Variants in EFEMP1 observed in about 807,000 individuals in gnomAD.
EFEMP1 encodes EGF-like fibulin extracellular matrix protein 1.
EFEMP1 carries 18 observed loss-of-function variants against 65.7 expected under a neutral mutation model. That is an observed-to-expected ratio of 0.27 (90% CI 0.19 to 0.41). EFEMP1 has a LOEUF of 0.41. EFEMP1 is among the 10% of genes least tolerant of loss of function. EFEMP1 has a pLI of 1.00. For synonymous variants in EFEMP1, 237 were observed against 219.7 expected (o/e 1.08, Z -0.70); for missense variants, 469 against 624.8 (o/e 0.75, Z 2.66).
Position 55,866,820 on chromosome 2 carries a change from G to C in EFEMP1, c.*253C>G. 1 of 447,990 alleles carries C rather than the reference G, an allele frequency of 2.2e-6. No individual in the cohort carries two copies. Among genetic ancestry groups the C allele is most frequent in the East Asian group, 4.5e-5 (1 of 22,470 alleles). The allele number at this position is 447,990 out of a possible 1,614,324, so 27.8% of individuals were successfully genotyped here. A position where few individuals can be genotyped will look rare whatever the true frequency, so the allele number is the denominator to read the frequency against. ...GAAAGAATCCAAGTTTCACCAGATA[G>C]TGTATACTTAGCTCTCTTGAAGAAG... On this transcript the variant is annotated 3_prime_UTR_variant, in exon 12 of 12. Coordinates refer to ENST00000355426, the MANE Select transcript of EFEMP1 (RefSeq NM_001039348.3).
intron 5 of EFEMP1, among the ~76,000 whole-genome samples, chr2:55,906,872 G>A (rs748829845): frequency 6.6e-6 from 1 of 152,192 alleles, no homozygotes; most frequent in Non-Finnish European, 1.5e-5. Flanking sequence ...ATATAAAATA[G>A]TGGGTCAGGA....
rs1668643791 is a variant in EFEMP1, at chr2:55,867,895, G to C, written c.1321-661C>G. Among the ~76,000 whole-genome samples, 1 of 152,134 alleles carries C rather than the reference G, an allele frequency of 6.6e-6. No homozygotes were observed. The highest frequency in any genetic ancestry group is 6.5e-5 in the Admixed American group (1 of 15,270). On this transcript the variant is annotated intron_variant, in intron 11 of 11. Transcript: ENST00000355426. The surrounding 1 kb of genome is among the most constrained non-coding windows in gnomAD (Gnocchi z 4.3). Reference sequence around the variant, plus strand: ...ATAATATGATGGGCTCTTGTGAGTGGAGGGAGATGAGGTTGGAGAGGCAGG... The same window carrying C: ...ATAATATGATGGGCTCTTGTGAGTGCAGGGAGATGAGGTTGGAGAGGCAGG...
In EFEMP1 at chr2:55,877,251, A is replaced by G. The variant is rs1018548245; in HGVS notation, c.760+495T>C. On this transcript the variant is annotated intron_variant, in intron 7 of 11. Transcript: ENST00000355426. This position sits in a 1 kb window ranked among gnomAD's most constrained non-coding sequence, Gnocchi z 4.5. ...ACATAAGCCTTTGAGACCCATACGG[A>G]GTTTTGCAATGCTCTAAAGCACTGA... Among the ~76,000 whole-genome samples the G allele has an allele frequency of 1.3e-5, 2 of 152,142 alleles. No homozygotes were observed. Among genetic ancestry groups the G allele is most frequent in the Non-Finnish European group, 2.9e-5 (2 of 68,022 alleles).
rs202135588 is a variant in EFEMP1, at chr2:55,870,643, CACA to C, written c.1320+74_1320+76del. On this transcript the variant is annotated intron_variant, in intron 11 of 11. Transcript: ENST00000355426. This position sits in a 1 kb window ranked among gnomAD's most constrained non-coding sequence, Gnocchi z 5.8. The stretch of plus-strand genomic sequence containing the variant: ...GCTTTCCTTCCACATGTGGATACCA[CACA>C]ACAACAACAACAACAACAACAACAA... 35,804 of 1,461,082 alleles carry C rather than the reference CACA, an allele frequency of 0.025. 1,097 individuals are homozygous for C. The highest frequency in any genetic ancestry group is 0.16 in the African/African-American group (11,336 of 71,520). 90.5% of individuals were successfully genotyped at this position (1,461,082 alleles called of 1,614,324 possible).
chr2:55,898,877 G>C (rs908062476), intron 5 of EFEMP1, among the ~76,000 whole-genome samples: 2 of 152,176 alleles, frequency 1.3e-5, no homozygotes, highest in Non-Finnish European at 2.9e-5. Context: ...GAGGGCTGAC[G>C]TCAGTATGAT....
In EFEMP1 at chr2:55,896,119, T is replaced by A. The variant is rs1018339811; in HGVS notation, c.518-14385A>T. ...CTTGTTGAAGGTAGCAATTGAGATA[T>A]CCATTAGGCTGGATGTATAAATTCT... is the stretch of plus-strand genomic sequence containing the variant. On this transcript the variant is annotated intron_variant, in intron 5 of 11. Transcript: ENST00000355426. 4.6e-5 allele frequency among the ~76,000 whole-genome samples: 7 copies of A among 152,344 alleles called. No individual in the cohort carries two copies. The East Asian group carries it at 1.3e-3, about 29-fold the overall frequency.
At chr2:55,915,388 C>T (rs555098762) in intron 5 of EFEMP1, among the ~76,000 whole-genome samples, 38 of 152,272 alleles carry the variant, frequency 2.5e-4, no homozygotes, top group African/African-American at 8.7e-4. Context: ...AAATGTTTTA[C>T]TATGTGAAAC....
rs373857382 is a variant in EFEMP1 at position 55,875,062 on chromosome 2, A to G, written c.884T>C (p.Ile295Thr). 3 of 1,597,848 alleles carry G rather than the reference A, an allele frequency of 1.9e-6. No homozygotes were observed. Among genetic ancestry groups the G allele is most frequent in the Non-Finnish European group, 1.7e-6 (2 of 1,170,482 alleles). Reference protein sequence around the residue: ...LSSDRLNCEDIDECRTSSYLC... With the variant: ...LSSDRLNCEDTDECRTSSYLC... ...GTAGCTTGAGGTTCTGCATTCATCA[A>G]TGTCTGTTGAATTAGACAAGAGAAA... Residue 295 changes from isoleucine (I) to threonine (T), a missense_variant, in exon 9 of 12, where the codon ATT becomes ACT. Around this residue, in one of 3 missense-constraint regions of EFEMP1, gnomAD observed 399 missense variants for 528.2 expected, o/e 0.76. Coordinates refer to ENST00000355426, the MANE Select transcript of EFEMP1 (RefSeq NM_001039348.3).
chr2:55,880,093 G>C (rs1466415289), intron 6 of EFEMP1, among the ~76,000 whole-genome samples: 4 of 152,192 alleles, frequency 2.6e-5, no homozygotes, highest in Non-Finnish European at 5.9e-5. Flanking sequence ...TGTGACGTGT[G>C]TGGGGAACTG....
chr2:55,916,957 A>C (rs1384538269), intron 5 of EFEMP1, among the ~76,000 whole-genome samples: 1 of 152,248 alleles, frequency 6.6e-6, no homozygotes, highest in African/African-American at 2.4e-5. Flanking sequence ...AACCCTAGGC[A>C]GATGATGCCA....
In EFEMP1 at chr2:55,881,853, G is replaced by T. The variant is rs528944266; in HGVS notation, c.518-119C>A. The T allele has an allele frequency of 5.4e-4, 703 of 1,297,002 alleles. 6 individuals carry two copies. In the South Asian group the frequency reaches 7.1e-3, roughly 13 times the overall value. The allele number at this position is 1,297,002 out of a possible 1,614,324, so 80.3% of individuals were successfully genotyped here. Reference sequence around the variant, plus strand: ...ATTCTTAAAAGTTTATAATGTTCTTGCATTGGAAATGTTTAAAATTATAAA... The same window carrying T: ...ATTCTTAAAAGTTTATAATGTTCTTTCATTGGAAATGTTTAAAATTATAAA... On this transcript the variant is annotated intron_variant, in intron 5 of 11. Coordinates refer to ENST00000355426, the MANE Select transcript of EFEMP1 (RefSeq NM_001039348.3).
intron 5 of EFEMP1, among the ~76,000 whole-genome samples, chr2:55,905,206 A>G (rs892354993): frequency 2.0e-5 from 3 of 151,922 alleles, no homozygotes; most frequent in Non-Finnish European, 2.9e-5. Flanking sequence ...CAGGACTTTT[A>G]CTCAATTTTT....
intron 5 of EFEMP1, among the ~76,000 whole-genome samples, chr2:55,887,845 T>C (rs1413164133): frequency 6.6e-6 from 1 of 152,214 alleles, no homozygotes; most frequent in Admixed American, 6.5e-5. Context: ...GCCCTTGGCA[T>C]TGCATTGTGT....
chr2:55,894,945 C>G (rs1669758913), intron 5 of EFEMP1, among the ~76,000 whole-genome samples: 1 of 152,208 alleles, frequency 6.6e-6, no homozygotes, highest in Non-Finnish European at 1.5e-5. Context: ...TGACCCCTTC[C>G]TACTTAAATA....
In EFEMP1 at chr2:55,922,820, A is replaced by C; in HGVS notation, c.-8+79T>G. 4 of 1,071,990 alleles carry C rather than the reference A, an allele frequency of 3.7e-6. No individual in the cohort carries two copies. The highest frequency in any genetic ancestry group is 3.6e-6 in the Non-Finnish European group (3 of 841,868). The allele number at this position is 1,071,990 out of a possible 1,614,324, so 66.4% of individuals were successfully genotyped here. On this transcript the variant is annotated intron_variant, in intron 2 of 11. Coordinates refer to ENST00000355426, the MANE Select transcript of EFEMP1 (RefSeq NM_001039348.3). This position sits in a 1 kb window ranked among gnomAD's most constrained non-coding sequence, Gnocchi z 5.5. ...GGGGACGGTGCATTTCCTGCCCCCC[A>C]GTCCCACACCCCGGGGGATGGAGGT...
intron 5 of EFEMP1, among the ~76,000 whole-genome samples, chr2:55,893,890 T>C (rs866108466): frequency 2.0e-5 from 3 of 152,246 alleles, no homozygotes; most frequent in Admixed American, 2.0e-4. Context: ...ATCTATGGTA[T>C]GACCTTCCCC....
At chr2:55,904,966 CTTTTT>C (rs796758221) in intron 5 of EFEMP1, among the ~76,000 whole-genome samples, 2 of 70,558 alleles carry the variant, frequency 2.8e-5, no homozygotes, top group African/African-American at 2.0e-4. Context: ...GGGATAGTGG[CTTTTT>C]TTTTTTTCTT....
Position 55,877,627 on chromosome 2 carries a change from G to C in EFEMP1, c.760+119C>G, listed in dbSNP as rs776888942. ...TTATTATCTTTTAAGCTTTATGATT[G>C]CTGAAGGGAAGTCGATGGAAACTAT... On this transcript the variant is annotated intron_variant, in intron 7 of 11. Coordinates refer to ENST00000355426, the MANE Select transcript of EFEMP1 (RefSeq NM_001039348.3). The surrounding 1 kb of genome is among the most constrained non-coding windows in gnomAD (Gnocchi z 4.5). 4.9e-5 allele frequency: 71 copies of C among 1,452,822 alleles called. No individual in the cohort carries two copies. Among genetic ancestry groups the C allele is most frequent in the Non-Finnish European group, 6.5e-5 (68 of 1,046,008 alleles). 90.0% of individuals were successfully genotyped at this position (1,452,822 alleles called of 1,614,324 possible).
At chr2:55,887,117 A>G (rs1056937651) in intron 5 of EFEMP1, among the ~76,000 whole-genome samples, 1 of 152,154 alleles carries the variant, frequency 6.6e-6, no homozygotes, top group Non-Finnish European at 1.5e-5. Context: ...TGGAAGAGGT[A>G]GTTACTTCAT....
Sources: gnomAD v4.1 joint callset for allele counts (sites outside exome capture counted in the v4.1 genomes callset) on GRCh38, gnomAD v4.1.1 for gene constraint, gnomAD v4.1.1 regional missense constraint, Gnocchi (gnomAD v3.1) non-coding constraint, MANE v1.5 for transcripts, NCBI Gene and HGNC (gene_info 2026-07-23, HGNC 2026-07-21) for gene names.